TMC1: variants seen among roughly 807,000 people sequenced by gnomAD.
TMC1 encodes the protein transmembrane channel-like protein 1.
Under a neutral mutation model 105.8 loss-of-function variants are expected in TMC1, and 84 were observed. The observed-to-expected ratio is 0.79, with a 90% CI of 0.67 to 0.95. The LOEUF (loss-of-function observed/expected upper bound fraction) is 0.95. Among genes scored for constraint, TMC1 ranks in the 40% least tolerant of loss-of-function variants. The probability of loss-of-function intolerance (pLI) is 0.00; values close to 1 mark genes in which losing one functional copy is unlikely to be tolerated. For missense variants in TMC1, 817 were observed against 914.1 expected, an observed-to-expected ratio of 0.89 and a Z score of 1.37; for synonymous variants, 315 against 311.5, an observed-to-expected ratio of 1.01 and a Z score of -0.12.
At chr9:72,617,890 C>T (rs1825161031) in intron 3 of TMC1, among the ~76,000 whole-genome samples, 1 of 148,124 alleles carries the variant, frequency 6.8e-6, no homozygotes, top group African/African-American at 2.5e-5. Context: ...TTACCATTTA[C>T]CCAAGAAGTC....
intron 12 of TMC1, among the ~76,000 whole-genome samples, chr9:72,767,559 A>G (rs766304702): frequency 9.2e-5 from 14 of 152,232 alleles, no homozygotes; most frequent in Non-Finnish European, 1.5e-4. Flanking sequence ...AGAAAAGTAA[A>G]TGCATGAATT....
intron 23 of TMC1, among the ~76,000 whole-genome samples, chr9:72,831,128 A>G (rs1222158965): frequency 6.6e-6 from 1 of 152,146 alleles, no homozygotes; most frequent in East Asian, 1.9e-4. Flanking sequence ...CTAATCCATT[A>G]AACTTTCTTT....
chr9:72,532,339 G>T (rs111564716), intron 1 of TMC1, among the ~76,000 whole-genome samples: 1 of 151,508 alleles, frequency 6.6e-6, no homozygotes, highest in East Asian at 2.0e-4. Context: ...TCAGGAGTTC[G>T]AGACCAGCCT....
chr9:72,570,264 T>G (rs1055554790), intron 1 of TMC1, among the ~76,000 whole-genome samples: 1 of 145,720 alleles, frequency 6.9e-6, no homozygotes, highest in African/African-American at 2.6e-5. Context: ...TGTGTGTGTG[T>G]GGTAAATACT....
intron 8 of TMC1, among the ~76,000 whole-genome samples, chr9:72,708,193 A>G (rs1826776061): frequency 6.6e-6 from 1 of 152,140 alleles, no homozygotes; most frequent in African/African-American, 2.4e-5. Context: ...GAAGGAAGGT[A>G]ATTGGATGCT....
intron 3 of TMC1, among the ~76,000 whole-genome samples, chr9:72,624,150 T>C (rs1483137982): frequency 1.3e-5 from 2 of 152,118 alleles, no homozygotes; most frequent in Non-Finnish European, 2.9e-5. Flanking sequence ...AAATTTAGCA[T>C]TGACAGTAGC....
intron 2 of TMC1, among the ~76,000 whole-genome samples, chr9:72,598,764 A>T (rs1824760069): frequency 6.6e-6 from 1 of 152,176 alleles, no homozygotes; most frequent in Non-Finnish European, 1.5e-5. Flanking sequence ...CCAAAATCAT[A>T]TTGTGAAAAT....
At position 72,702,597 on chromosome 9, in the gene TMC1, G is replaced by C. The variant is rs545374444; in HGVS notation, c.362+1954G>C. On this transcript the variant is annotated intron_variant, in intron 8 of 23. Coordinates refer to ENST00000297784, the MANE Select transcript of TMC1 (RefSeq NM_138691.3). The stretch of plus-strand genomic sequence containing the variant: ...GCCCAATTCCTGAAGGGTGACAAGA[G>C]AGATGGAGAGAATTTGGGACCTGGC... 5.9e-5 allele frequency among the ~76,000 whole-genome samples: 9 copies of C among 152,140 alleles called. No individual in the cohort carries two copies. The South Asian group carries it at 1.9e-3, about 32-fold the overall frequency.
intron 12 of TMC1, among the ~76,000 whole-genome samples, chr9:72,756,066 A>G (rs1434169053): frequency 6.6e-6 from 1 of 152,214 alleles, no homozygotes; most frequent in Non-Finnish European, 1.5e-5. Context: ...CCATCTCCGA[A>G]TGAACAAAGC....
intron 1 of TMC1, among the ~76,000 whole-genome samples, chr9:72,566,103 CA>C (rs1217520489): frequency 6.6e-6 from 1 of 152,206 alleles, no homozygotes; most frequent in African/African-American, 2.4e-5. Context: ...GACCATAGCT[CA>C]TTGCAGCCTC....
chr9:72,664,882 A>T (rs2132163737), intron 5 of TMC1, among the ~76,000 whole-genome samples: 1 of 152,322 alleles, frequency 6.6e-6, no homozygotes, highest in African/African-American at 2.4e-5. Context: ...CGGAGCTAAA[A>T]GAGCACTGTA....
At chr9:72,555,440 G>C (rs571907810) in intron 1 of TMC1, among the ~76,000 whole-genome samples, 44 of 151,900 alleles carry the variant, frequency 2.9e-4, no homozygotes, top group Non-Finnish European at 5.3e-4. Flanking sequence ...TCCCTCCTTG[G>C]CCTCCCAAAG....
intron 2 of TMC1, among the ~76,000 whole-genome samples, chr9:72,579,964 G>T (rs1824447943): frequency 6.6e-6 from 1 of 152,084 alleles, no homozygotes; most frequent in Admixed American, 6.6e-5. Context: ...AGGAAAACAA[G>T]ATTCAGAGAG....
intron 5 of TMC1, chr9:72,656,068 C>A: frequency 2.8e-6 from 2 of 706,982 alleles, no homozygotes; most frequent in South Asian, 2.7e-5. Flanking sequence ...TTCCTTTGCT[C>A]CTCTGATCAA....
Position 72,751,950 on chromosome 9 carries a change from G to A in TMC1, c.636G>A (p.Leu212=). 1 of 1,599,760 alleles carries A rather than the reference G, an allele frequency of 6.3e-7. No homozygotes were observed. Among genetic ancestry groups the A allele is most frequent in the African/African-American group, 1.3e-5 (1 of 74,714 alleles). The change falls in exon 11 of 24, where the codon TTG becomes TTA. Residue 212 remains leucine, a synonymous_variant. Coordinates refer to ENST00000297784, the MANE Select transcript of TMC1 (RefSeq NM_138691.3). ...LFILTFSLIM[L]PEYLWGLPYG... is the part of the protein sequence containing the mutation. ...TCCTGACATTTAGCCTCATCATGTT[G>A]CCAGAGGTGAGATCTGACTTCCAGT...
At position 72,837,616 on chromosome 9, in the gene TMC1, T is replaced by C. The variant is rs1213743166; in HGVS notation, c.*1643T>C. 1 of 152,228 alleles carries C rather than the reference T, an allele frequency of 6.6e-6. No individual in the cohort carries two copies. Among genetic ancestry groups the C allele is most frequent in the East Asian group, 1.9e-4 (1 of 5,196 alleles). 9.4% of individuals were successfully genotyped at this position (152,228 alleles called of 1,614,324 possible). A position where few individuals can be genotyped will look rare whatever the true frequency, so the allele number is the denominator to read the frequency against. ...TTAAGCATTATTATGGATTTACAGTTTGAATTGACTTTAAGTAGTAACACT... is the reference window on the plus strand; with the variant it reads ...TTAAGCATTATTATGGATTTACAGTCTGAATTGACTTTAAGTAGTAACACT... On this transcript the variant is annotated 3_prime_UTR_variant, in exon 24 of 24. Coordinates refer to ENST00000297784, the MANE Select transcript of TMC1 (RefSeq NM_138691.3).
intron 1 of TMC1, among the ~76,000 whole-genome samples, chr9:72,551,149 A>G (rs1035638434): frequency 6.6e-6 from 1 of 152,228 alleles, no homozygotes; most frequent in African/African-American, 2.4e-5. Context: ...TGTAGAGGTT[A>G]TAAAAGAAGG....
intron 1 of TMC1, among the ~76,000 whole-genome samples, chr9:72,562,433 T>G (rs1824073369): frequency 6.6e-6 from 1 of 152,240 alleles, no homozygotes; most frequent in Non-Finnish European, 1.5e-5. Context: ...ACCTTTGTGC[T>G]ATGTTATATT....
intron 18 of TMC1, among the ~76,000 whole-genome samples, chr9:72,808,586 T>G (rs1352577431): frequency 6.6e-6 from 1 of 152,242 alleles, no homozygotes; most frequent in African/African-American, 2.4e-5. Context: ...ATTTGAACTG[T>G]GTGAGTCACG....
Sources: gnomAD v4.1 joint callset for allele counts (sites outside exome capture counted in the v4.1 genomes callset) on GRCh38, gnomAD v4.1.1 for gene constraint, MANE v1.5 for transcripts, NCBI Gene and HGNC (gene_info 2026-07-23, HGNC 2026-07-21) for gene names.